The following ZNF486 variants were observed in gnomAD, a reference collection of about 807,000 sequenced individuals.
ZNF486 encodes KRAB box only protein 2.
A neutral mutation model predicts 12.8 loss-of-function variants in ZNF486; 12 were observed. The ratio of observed to expected loss-of-function variants is 0.94; its 90% CI spans 0.60 to 1.52. The LOEUF (loss-of-function observed/expected upper bound fraction) is 1.52. Among genes scored for constraint, ZNF486 ranks in the 40% most tolerant of loss-of-function variants. The probability of loss-of-function intolerance (pLI) is 0.00; values close to 1 mark genes in which losing one functional copy is unlikely to be tolerated. For synonymous variants in ZNF486, 231 were observed against 184.9 expected (o/e 1.25, Z -2.02); for missense variants, 738 against 545.0 (o/e 1.35, Z -3.53).
At chr19:20,186,289 C>G (rs782812272) in intron 3 of ZNF486, among the ~76,000 whole-genome samples, 2 of 152,110 alleles carry the variant, frequency 1.3e-5, no homozygotes, top group Non-Finnish European at 2.9e-5. Flanking sequence ...TCTAAGGATT[C>G]TACTATTCTT....
intron 1 of ZNF486, among the ~76,000 whole-genome samples, chr19:20,181,230 T>C (rs561232692): frequency 1.3e-5 from 2 of 150,534 alleles, no homozygotes; most frequent in African/African-American, 2.4e-5. Context: ...ATTCCCTGAA[T>C]CCCAAAAGCA....
chr19:20,181,642 C>A (rs1555715602), intron 1 of ZNF486, among the ~76,000 whole-genome samples: 1 of 151,970 alleles, frequency 6.6e-6, no homozygotes, highest in African/African-American at 2.4e-5. Flanking sequence ...TATTTAGCAA[C>A]TTGTTTTCTA....
intron 1 of ZNF486, chr19:20,177,081 G>C (rs899554172): frequency 2.0e-5 from 3 of 152,250 alleles, no homozygotes; most frequent in Admixed American, 2.0e-4. Flanking sequence ...CTCACTCTCT[G>C]ATGTGACACT....
Position 20,197,531 on chromosome 19 carries a change from C to G in ZNF486, c.821C>G (p.Ala274Gly). ...KPYICEECGK[A>G]FMYPYTLTTH... Reference sequence around the variant, plus strand: ...TACATTTGTGAAGAATGTGGCAAAGCCTTTATGTACCCCTATACCCTTACT... The same window carrying G: ...TACATTTGTGAAGAATGTGGCAAAGGCTTTATGTACCCCTATACCCTTACT... The change falls in exon 4 of 4, where the codon GCC (alanine) becomes GGC (glycine). Residue 274 changes from alanine to glycine, a missense_variant. Coordinates refer to ENST00000335117, the MANE Select transcript of ZNF486 (RefSeq NM_052852.4). 1 of 1,612,588 alleles carries G rather than the reference C, an allele frequency of 6.2e-7. No individual in the cohort carries two copies. Among genetic ancestry groups the G allele is most frequent in the Non-Finnish European group, 8.5e-7 (1 of 1,179,372 alleles).
intron 1 of ZNF486, among the ~76,000 whole-genome samples, chr19:20,170,915 G>A (rs1161747015): frequency 1.3e-5 from 2 of 152,088 alleles, no homozygotes; most frequent in Non-Finnish European, 2.9e-5. Flanking sequence ...GTTCAGTTCT[G>A]TGAATAGCTC....
intron 2 of ZNF486, among the ~76,000 whole-genome samples, chr19:20,185,081 AG>A (rs2089828073): frequency 6.6e-6 from 1 of 152,172 alleles, no homozygotes; most frequent in South Asian, 2.1e-4. Context: ...ATTGCACTCT[AG>A]CCTGGGCAAG....
intron 1 of ZNF486, among the ~76,000 whole-genome samples, chr19:20,181,299 G>A (rs1481588455): frequency 6.6e-6 from 1 of 152,010 alleles, no homozygotes; most frequent in African/African-American, 2.4e-5. Context: ...CAGCACTTTG[G>A]GAGGCCAAGG....
Position 20,182,014 on chromosome 19 carries a change from G to A in ZNF486, c.31-2342G>A, listed in dbSNP as rs530425799. Among the ~76,000 whole-genome samples, 4 of 152,256 alleles carry A rather than the reference G, an allele frequency of 2.6e-5. No individual in the cohort carries two copies. The East Asian group carries it at 7.7e-4, about 29-fold the overall frequency. On this transcript the variant is annotated intron_variant, in intron 1 of 3. Transcript: ENST00000335117. ...GTGTACATGTTGTTTTTTAAATACA[G>A]ACTTACTCTGTCATTTCTGCCTTCA...
intron 1 of ZNF486, among the ~76,000 whole-genome samples, chr19:20,182,463 T>C (rs1280807381): frequency 6.6e-6 from 1 of 152,174 alleles, no homozygotes; most frequent in African/African-American, 2.4e-5. Context: ...ACTTATGTTG[T>C]TTTAATGAAG....
chr19:20,188,490 C>T (rs923157562), intron 3 of ZNF486: 1 of 398,292 alleles, frequency 2.5e-6, no homozygotes, highest in East Asian at 3.6e-5. Context: ...TTGAGACCAG[C>T]CTGGGAAAGA....
At chr19:20,190,263 G>T (rs2089889642) in intron 3 of ZNF486, among the ~76,000 whole-genome samples, 1 of 152,188 alleles carries the variant, frequency 6.6e-6, no homozygotes, top group South Asian at 2.1e-4. Flanking sequence ...GCAAGAATAT[G>T]TTGAATCAGA....
At chr19:20,167,902 A>G (rs1555713243) in intron 1 of ZNF486, among the ~76,000 whole-genome samples, 2 of 152,122 alleles carry the variant, frequency 1.3e-5, no homozygotes, top group African/African-American at 4.8e-5. Context: ...TAAAAGTTGT[A>G]AAACAACCCT....
At chr19:20,167,396 G>A (rs1555713170) in intron 1 of ZNF486, 36 bp downstream of exon 1, 2 of 1,607,816 alleles carry the variant, frequency 1.2e-6, no homozygotes, top group South Asian at 2.2e-5. Context: ...AGAGAGGGGA[G>A]GGACTGGTTG....
chr19:20,171,225 C>A (rs2122624967), intron 1 of ZNF486, among the ~76,000 whole-genome samples: 1 of 152,308 alleles, frequency 6.6e-6, no homozygotes, highest in Middle Eastern at 3.4e-3. Context: ...GCTCCACTCT[C>A]CTGTACACAG....
intron 1 of ZNF486, among the ~76,000 whole-genome samples, chr19:20,173,051 G>T (rs1178019560): frequency 6.6e-6 from 1 of 152,210 alleles, no homozygotes; most frequent in Non-Finnish European, 1.5e-5. Flanking sequence ...TTGCTGTAAA[G>T]AAGCTCTGAA....
At chr19:20,168,861 G>C (rs782071914) in intron 1 of ZNF486, among the ~76,000 whole-genome samples, 1 of 149,278 alleles carries the variant, frequency 6.7e-6, no homozygotes, top group Non-Finnish European at 1.5e-5. Context: ...TTTTTTTTTT[G>C]AGACAGTCTT....
intron 1 of ZNF486, among the ~76,000 whole-genome samples, chr19:20,172,434 G>T (rs1396825773): frequency 2.0e-5 from 3 of 151,944 alleles, no homozygotes; most frequent in Non-Finnish European, 4.4e-5. Flanking sequence ...GAGTAGCTGG[G>T]ATTACAGGCA....
chr19:20,169,969 C>T (rs1012573571), intron 1 of ZNF486, among the ~76,000 whole-genome samples: 2 of 148,842 alleles, frequency 1.3e-5, no homozygotes, highest in Non-Finnish European at 3.0e-5. Flanking sequence ...CGGCTCACTG[C>T]AAGCTCCGCC....
intron 1 of ZNF486, among the ~76,000 whole-genome samples, chr19:20,180,371 A>C (rs1274943425): frequency 6.6e-6 from 1 of 152,196 alleles, no homozygotes; most frequent in East Asian, 1.9e-4. Flanking sequence ...GCCATTAAAA[A>C]AATACGTGAA....
Sources: allele counts gnomAD v4.1 joint callset (sites outside exome capture counted in the v4.1 genomes callset), GRCh38; gene constraint gnomAD v4.1.1; transcripts MANE v1.5; gene names NCBI Gene and HGNC (gene_info 2026-07-23, HGNC 2026-07-21).